OPCML: variants seen among roughly 807,000 people sequenced by gnomAD.
OPCML encodes the protein opioid-binding protein/cell adhesion molecule.
Under a neutral mutation model 37.8 loss-of-function variants are expected in OPCML, and 13 were observed. That is an observed-to-expected ratio of 0.34 (90% confidence interval 0.22 to 0.55). The LOEUF (loss-of-function observed/expected upper bound fraction) is 0.55, where lower values mean the gene tolerates loss of function less well. Among genes scored for constraint, OPCML ranks in the 20% least tolerant of loss-of-function variants. The pLI, the probability that OPCML is intolerant of heterozygous loss-of-function variation, is 0.91. For missense variants in OPCML, 341 were observed against 435.6 expected (o/e 0.78, Z 1.93); for synonymous variants, 176 against 168.8 (o/e 1.04, Z -0.33).
At chr11:132,721,945 C>A in intron 2 of OPCML, among the ~76,000 whole-genome samples, 1 of 138,968 alleles carries the variant, frequency 7.2e-6, no homozygotes, top group Middle Eastern at 3.8e-3. Context: ...TTTTTCTTTC[C>A]TTCCCTTTTT....
intron 1 of OPCML, among the ~76,000 whole-genome samples, chr11:133,133,573 C>G (rs576669342): frequency 8.5e-5 from 13 of 152,240 alleles, no homozygotes; most frequent in African/African-American, 2.6e-4. Flanking sequence ...CCTCGGAAAA[C>G]GTGTCCCTTA....
chr11:133,125,615 A>G (rs116187432), intron 1 of OPCML, among the ~76,000 whole-genome samples: 4,811 of 146,312 alleles, frequency 0.033, 271 homozygotes, highest in African/African-American at 0.11. Context: ...TATACACTAT[A>G]TGTAGTATCT....
intron 4 of OPCML, among the ~76,000 whole-genome samples, chr11:132,483,880 C>G (rs919303269): frequency 6.6e-6 from 1 of 151,910 alleles, no homozygotes; most frequent in Non-Finnish European, 1.5e-5. Flanking sequence ...AAAGCTGAAA[C>G]TGGATCCCTT....
intron 2 of OPCML, among the ~76,000 whole-genome samples, chr11:132,851,429 G>C (rs1941804723): frequency 6.6e-6 from 1 of 152,168 alleles, no homozygotes; most frequent in Non-Finnish European, 1.5e-5. Context: ...GCCATACTAA[G>C]AGGCTCTGCT....
rs71477795 is a variant in OPCML at position 133,433,251 on chromosome 11, C to CAAAAA, written c.61+99008_61+99012dup. Among the ~76,000 whole-genome samples, 86 of 90,692 alleles carry CAAAAA rather than the reference C, an allele frequency of 9.5e-4. 4 individuals carry two copies. Among genetic ancestry groups the CAAAAA allele is most frequent in the Middle Eastern group, 7.5e-3 (1 of 134 alleles). 59.5% of individuals were successfully genotyped at this position (90,692 alleles called of 152,430 possible). A position where few individuals can be genotyped will look rare whatever the true frequency, so the allele number is the denominator to read the frequency against. ...TGGGCGACAGAGCGAGACTCCGTCT[C>CAAAAA]AAAAAAAAAAAAAAAAAAATATTAC... On this transcript the variant is annotated intron_variant, in intron 1 of 7. Transcript: ENST00000524381.
intron 1 of OPCML, among the ~76,000 whole-genome samples, chr11:133,292,672 T>C (rs1272022321): frequency 1.3e-5 from 2 of 152,170 alleles, no homozygotes; most frequent in Non-Finnish European, 2.9e-5. Flanking sequence ...AAAACATGTC[T>C]TAATAAACTG....
At chr11:133,001,062 C>T (rs1188758572) in intron 1 of OPCML, among the ~76,000 whole-genome samples, 1 of 152,210 alleles carries the variant, frequency 6.6e-6, no homozygotes, top group East Asian at 1.9e-4. Context: ...AGGCACCATG[C>T]TTCCTGTACA....
intron 7 of OPCML, among the ~76,000 whole-genome samples, chr11:132,425,749 T>C (rs917802050): frequency 2.6e-5 from 4 of 152,202 alleles, no homozygotes; most frequent in Non-Finnish European, 5.9e-5. Flanking sequence ...GGTAATTGGG[T>C]GACCTTCTCC....
intron 1 of OPCML, among the ~76,000 whole-genome samples, chr11:133,042,968 C>T (rs934914044): frequency 2.0e-5 from 3 of 152,126 alleles, no homozygotes; most frequent in African/African-American, 7.2e-5. Context: ...CGTACAGTTC[C>T]ACACTGAAAA....
intron 1 of OPCML, among the ~76,000 whole-genome samples, chr11:133,074,913 G>A (rs1208294776): frequency 6.6e-6 from 1 of 152,132 alleles, no homozygotes; most frequent in Non-Finnish European, 1.5e-5. Flanking sequence ...AAATAACCAT[G>A]CACAGAATGA....
chr11:133,384,247 C>CAAAAAAAAAAAAAAAAAAAAAAAAAAAA (rs1186998875), intron 1 of OPCML, among the ~76,000 whole-genome samples: 1 of 71,248 alleles, frequency 1.4e-5, no homozygotes, highest in African/African-American at 4.6e-5. Context: ...GGCCACTGTG[C>CAAAAAAAAAAAAAAAAAAAAAAAAAAAA]AAAAAAAAAA....
At chr11:133,140,773 GA>G (rs1949775212) in intron 1 of OPCML, among the ~76,000 whole-genome samples, 2 of 147,998 alleles carry the variant, frequency 1.4e-5, no homozygotes, top group African/African-American at 5.0e-5. Flanking sequence ...CGAAGAAGAA[GA>G]AGAAGAAGAC....
chr11:132,776,341 C>T (rs539494674), intron 2 of OPCML, among the ~76,000 whole-genome samples: 2 of 152,292 alleles, frequency 1.3e-5, no homozygotes, highest in Admixed American at 6.5e-5. Context: ...GTGGTGTTAT[C>T]TTTTCATTTC....
At position 132,960,799 on chromosome 11, in the gene OPCML, C is replaced by T. The variant is rs554718294; in HGVS notation, c.62-17789G>A. On this transcript the variant is annotated intron_variant, in intron 1 of 7. Coordinates refer to ENST00000524381, the MANE Select transcript of OPCML (RefSeq NM_001012393.5). ...CACTGTTTTACCGACAATTCCCAGA[C>T]GTGGTGATTTGGTCTGACATCTTTG... Among the ~76,000 whole-genome samples, 30 of 152,338 alleles carry T rather than the reference C, an allele frequency of 2.0e-4. 1 individual carries two copies. The South Asian group carries it at 6.2e-3, about 32-fold the overall frequency.
chr11:132,599,376 A>AAGGAGGAGAAGGAGG (rs1937678853), intron 3 of OPCML, among the ~76,000 whole-genome samples: 2 of 12,766 alleles, frequency 1.6e-4, no homozygotes, highest in Non-Finnish European at 2.9e-4. Flanking sequence ...GAGGAGGAAG[A>AAGGAGGAGAAGGAGG]AGGAGGAAGA....
chr11:132,882,622 G>C (rs192155291), intron 2 of OPCML, among the ~76,000 whole-genome samples: 177 of 152,280 alleles, frequency 1.2e-3, no homozygotes, highest in Non-Finnish European at 2.1e-3. Flanking sequence ...TGTTAGCAAG[G>C]TTGAAGGTAT....
chr11:133,277,226 T>A (rs1462652436), intron 1 of OPCML, among the ~76,000 whole-genome samples: 4 of 152,204 alleles, frequency 2.6e-5, no homozygotes, highest in Non-Finnish European at 5.9e-5. Context: ...ACTAGTCCCC[T>A]AACTCAGACA....
intron 3 of OPCML, among the ~76,000 whole-genome samples, chr11:132,589,113 A>T (rs932204681): frequency 6.6e-6 from 1 of 152,204 alleles, no homozygotes; most frequent in Non-Finnish European, 1.5e-5. Flanking sequence ...CAGTTATGAA[A>T]ATTTGGTACA....
intron 1 of OPCML, among the ~76,000 whole-genome samples, chr11:133,277,729 A>G (rs1346104590): frequency 1.3e-5 from 2 of 152,120 alleles, no homozygotes; most frequent in Non-Finnish European, 1.5e-5. Flanking sequence ...ATGTGTGTGT[A>G]TATATATGTG....
Sources: gnomAD v4.1 joint callset for allele counts (sites outside exome capture counted in the v4.1 genomes callset) on GRCh38, gnomAD v4.1.1 for gene constraint, MANE v1.5 for transcripts, NCBI Gene and HGNC (gene_info 2026-07-23, HGNC 2026-07-21) for gene names.